LAMA4: variants seen among roughly 807,000 people sequenced by gnomAD.
LAMA4 encodes laminin subunit alpha 4.
Under a neutral mutation model 207.1 loss-of-function variants are expected in LAMA4, and 127 were observed. The ratio of observed to expected loss-of-function variants is 0.61; its 90% CI spans 0.53 to 0.71. The LOEUF is 0.71. LAMA4 is among the 30% of genes least tolerant of loss of function. LAMA4 has a pLI of 0.00. For synonymous variants in LAMA4, 761 were observed against 816.0 expected (o/e 0.93, Z 1.15); for missense variants, 2,093 against 2,246.5 (o/e 0.93, Z 1.38).
intron 14 of LAMA4, among the ~76,000 whole-genome samples, chr6:112,156,254 A>C (rs2114784279): frequency 6.6e-6 from 1 of 151,960 alleles, no homozygotes; most frequent in African/African-American, 2.4e-5. Flanking sequence ...GCCCTTTCAC[A>C]CGATAGTCTC....
chr6:112,230,189 C>T (rs1344078835), intron 2 of LAMA4, among the ~76,000 whole-genome samples: 2 of 152,192 alleles, frequency 1.3e-5, no homozygotes, highest in African/African-American at 2.4e-5. Context: ...CACCTGGCAG[C>T]TGTGCAGTAA....
intron 3 of LAMA4, among the ~76,000 whole-genome samples, chr6:112,208,738 A>T (rs1016379106): frequency 2.0e-5 from 3 of 152,202 alleles, no homozygotes; most frequent in Non-Finnish European, 4.4e-5. Flanking sequence ...AAGGGGAAGA[A>T]TCTTAATAAG....
chr6:112,228,485 G>C (rs2115118798), intron 2 of LAMA4, among the ~76,000 whole-genome samples: 1 of 152,302 alleles, frequency 6.6e-6, no homozygotes, highest in East Asian at 1.9e-4. Context: ...ATTCACCTAA[G>C]AGAGTGTAAA....
intron 5 of LAMA4, among the ~76,000 whole-genome samples, chr6:112,201,309 C>T (rs1783732851): frequency 6.6e-6 from 1 of 152,198 alleles, no homozygotes. Flanking sequence ...GAAAAGAGTA[C>T]TACCAAAACC....
intron 4 of LAMA4, among the ~76,000 whole-genome samples, chr6:112,205,809 C>T (rs1383839682): frequency 6.6e-6 from 1 of 152,014 alleles, no homozygotes; most frequent in Non-Finnish European, 1.5e-5. Flanking sequence ...CTCCCCACCC[C>T]CAACCTCCAG....
chr6:112,138,258 C>T (rs782792887), intron 24 of LAMA4, among the ~76,000 whole-genome samples: 3 of 152,108 alleles, frequency 2.0e-5, no homozygotes, highest in Non-Finnish European at 4.4e-5. Context: ...TCAAAGACAA[C>T]CTTTGCCACT....
At chr6:112,199,629 C>T (rs1482623300) in intron 5 of LAMA4, among the ~76,000 whole-genome samples, 1 of 152,130 alleles carries the variant, frequency 6.6e-6, no homozygotes, top group Non-Finnish European at 1.5e-5. Flanking sequence ...CTCGCTTTCC[C>T]TCTTATGGCA....
At chr6:112,150,063 A>C (rs1430750450) in intron 17 of LAMA4, among the ~76,000 whole-genome samples, 1 of 152,114 alleles carries the variant, frequency 6.6e-6, no homozygotes, top group Non-Finnish European at 1.5e-5. Flanking sequence ...GGTAAGAATG[A>C]CTTGACATGT....
chr6:112,143,409 T>G (rs1221894563), intron 19 of LAMA4, among the ~76,000 whole-genome samples: 2 of 151,544 alleles, frequency 1.3e-5, no homozygotes, highest in African/African-American at 4.9e-5. Context: ...CTCAGCCTCC[T>G]GAGTAACTGG....
At chr6:112,143,863 C>A (rs909804158) in intron 19 of LAMA4, among the ~76,000 whole-genome samples, 1 of 152,144 alleles carries the variant, frequency 6.6e-6, no homozygotes, top group Admixed American at 6.5e-5. Flanking sequence ...TTTAGATAAA[C>A]CTTTTTTGAA....
intron 2 of LAMA4, chr6:112,236,815 G>A (rs1010373969): frequency 1.3e-5 from 2 of 152,084 alleles, no homozygotes; most frequent in African/African-American, 4.8e-5. Flanking sequence ...TTCCCCTTTG[G>A]AGATCACTGG....
chr6:112,155,717 A>G lies in LAMA4; in HGVS notation c.1818-11T>C, dbSNP rs781873115. ...GAACTGTGCAACTTCCTGTTAATAAACAAACATTGTTATTTCTCCTTCTTA... is the reference window on the plus strand; with the variant it reads ...GAACTGTGCAACTTCCTGTTAATAAGCAAACATTGTTATTTCTCCTTCTTA... On this transcript the variant is annotated splice_polypyrimidine_tract_variant and intron_variant, in intron 14 of 38. Transcript: ENST00000230538. The G allele has an allele frequency of 6.2e-7, 1 of 1,613,804 alleles. No homozygotes were observed. Among genetic ancestry groups the G allele is most frequent in the Non-Finnish European group, 8.5e-7 (1 of 1,179,784 alleles).
intron 4 of LAMA4, 43 bp downstream of exon 4, chr6:112,206,978 A>G (rs1554354481): frequency 6.2e-7 from 1 of 1,611,624 alleles, no homozygotes; most frequent in Admixed American, 1.7e-5. Context: ...AAAACAATAC[A>G]TAGACTGATC....
chr6:112,179,427 A>G (rs1437277107), intron 9 of LAMA4: 1 of 152,256 alleles, frequency 6.6e-6, no homozygotes, highest in Non-Finnish European at 1.5e-5. Context: ...TAAGAGGAAG[A>G]GAAGTTCTTT....
chr6:112,186,472 C>T (rs567044393), intron 8 of LAMA4, among the ~76,000 whole-genome samples: 1 of 152,260 alleles, frequency 6.6e-6, no homozygotes, highest in African/African-American at 2.4e-5. Context: ...GTGATAGAAG[C>T]CCATGATTTA....
At chr6:112,204,853 G>T (rs1291611521) in intron 4 of LAMA4, among the ~76,000 whole-genome samples, 1 of 152,158 alleles carries the variant, frequency 6.6e-6, no homozygotes, top group Non-Finnish European at 1.5e-5. Context: ...ACAGAGCAAG[G>T]TCTGAGGCAG....
chr6:112,201,721 C>T (rs781902085), intron 4 of LAMA4, 33 bp from the exon 5 acceptor site: 37 of 1,531,474 alleles, frequency 2.4e-5, no homozygotes, highest in Middle Eastern at 1.7e-4. Flanking sequence ...GAAGTCAATT[C>T]CATACATCAC....
intron 2 of LAMA4, among the ~76,000 whole-genome samples, chr6:112,235,790 T>C (rs899699902): frequency 6.6e-6 from 1 of 152,174 alleles, no homozygotes; most frequent in Non-Finnish European, 1.5e-5. Flanking sequence ...ATGCTTACTT[T>C]CTAAGTATAG....
intron 38 of LAMA4, among the ~76,000 whole-genome samples, chr6:112,113,847 G>A (rs1481516378): frequency 6.6e-6 from 1 of 152,072 alleles, no homozygotes; most frequent in Admixed American, 6.6e-5. Context: ...GGAAAGGAAA[G>A]AAAAAAATAA....
Sources: allele counts gnomAD v4.1 joint callset (sites outside exome capture counted in the v4.1 genomes callset), GRCh38; gene constraint gnomAD v4.1.1; transcripts MANE v1.5; gene names NCBI Gene and HGNC (gene_info 2026-07-23, HGNC 2026-07-21).